The following RAD51B variants were observed in gnomAD, a reference collection of about 807,000 sequenced individuals.
RAD51B encodes RAD51 paralog B, also known as DNA repair protein RAD51 homolog 2.
A neutral mutation model predicts 42.2 loss-of-function variants in RAD51B; 38 were observed. The observed-to-expected ratio is 0.90, with a 90% CI of 0.70 to 1.18. RAD51B has a LOEUF of 1.18. Among genes scored for constraint, RAD51B ranks in the 50% most tolerant of loss-of-function variants. The probability of loss-of-function intolerance (pLI) is 0.00; values close to 1 mark genes in which losing one functional copy is unlikely to be tolerated. For synonymous variants in RAD51B, 154 were observed against 145.2 expected (o/e 1.06, Z -0.43); for missense variants, 373 against 400.7 (o/e 0.93, Z 0.59).
At chr14:68,151,823 CTTTTTTTTTTTTTTTTTT>C (rs71129868) in intron 7 of RAD51B, among the ~76,000 whole-genome samples, 19 of 39,992 alleles carry the variant, frequency 4.8e-4, no homozygotes, top group African/African-American at 1.6e-3. Context: ...GTTATAAAGA[CTTTTTTTTTTTTTTTTTT>C]TTTTTTTTTT....
At chr14:68,116,817 C>T (rs2077557063) in intron 7 of RAD51B, among the ~76,000 whole-genome samples, 1 of 152,066 alleles carries the variant, frequency 6.6e-6, no homozygotes, top group Non-Finnish European at 1.5e-5. Flanking sequence ...AAGCTACAGG[C>T]AAGAAAAGTT....
At chr14:68,357,631 C>T (rs1312804811) in intron 8 of RAD51B, among the ~76,000 whole-genome samples, 1 of 152,140 alleles carries the variant, frequency 6.6e-6, no homozygotes, top group East Asian at 1.9e-4. Context: ...ACTCCTTGAT[C>T]CATGGGCCGC....
chr14:68,280,354 G>T (rs559439842), intron 7 of RAD51B, among the ~76,000 whole-genome samples: 1 of 152,258 alleles, frequency 6.6e-6, no homozygotes, highest in South Asian at 2.1e-4. Context: ...ACAAATATCC[G>T]TGGGACCATG....
At chr14:68,560,066 C>T (rs1889064553) in intron 10 of RAD51B, among the ~76,000 whole-genome samples, 1 of 152,184 alleles carries the variant, frequency 6.6e-6, no homozygotes, top group Non-Finnish European at 1.5e-5. Flanking sequence ...TCTCTGCCTC[C>T]TCCTTGCCCC....
intron 10 of RAD51B, among the ~76,000 whole-genome samples, chr14:68,530,672 G>A (rs10134240): frequency 1.3e-4 from 19 of 151,808 alleles, no homozygotes; most frequent in African/African-American, 2.9e-4. Flanking sequence ...TTCAAGAGCC[G>A]ATTTAAAAGA....
intron 8 of RAD51B, among the ~76,000 whole-genome samples, chr14:68,410,946 G>GC (rs1056304911): frequency 2.0e-5 from 3 of 151,832 alleles, no homozygotes; most frequent in Non-Finnish European, 2.9e-5. Context: ...GTATACGGGG[G>GC]GGTGGGAGGA....
At chr14:67,833,157 C>T (rs2041112984) in intron 3 of RAD51B, among the ~76,000 whole-genome samples, 1 of 152,156 alleles carries the variant, frequency 6.6e-6, no homozygotes, top group South Asian at 2.1e-4. Context: ...GGTCAGGTCA[C>T]TTGAGGGCAG....
rs528089781 is a variant in RAD51B, at chr14:68,345,632, A to G, written c.853+53652A>G. Among the ~76,000 whole-genome samples the G allele has an allele frequency of 2.1e-4, 32 of 152,060 alleles. No homozygotes were observed. In the South Asian group the frequency reaches 6.0e-3, roughly 29 times the overall value. ...GTAGAGCCTGCAGAGCTGTGAGCCA[A>G]TTAAGCTCAGCGTCAGGTGTTTCTT... On this transcript the variant is annotated intron_variant, in intron 8 of 10. Coordinates refer to ENST00000471583, the MANE Select transcript of RAD51B (RefSeq NM_133510.4).
chr14:68,104,726 G>C (rs746312754), intron 7 of RAD51B, among the ~76,000 whole-genome samples: 1 of 152,078 alleles, frequency 6.6e-6, no homozygotes, highest in Non-Finnish European at 1.5e-5. Context: ...CTTGTAAGTG[G>C]ATTACAAGAA....
chr14:68,536,397 A>G (rs1244436979), intron 10 of RAD51B, among the ~76,000 whole-genome samples: 2 of 152,224 alleles, frequency 1.3e-5, no homozygotes, highest in African/African-American at 4.8e-5. Context: ...AACTTGAGAA[A>G]GCAGATTGAA....
intron 7 of RAD51B, among the ~76,000 whole-genome samples, chr14:67,920,311 C>T (rs549877568): frequency 2.0e-5 from 3 of 151,718 alleles, no homozygotes; most frequent in Admixed American, 1.3e-4. Context: ...TCAACTCTAA[C>T]GTTATTTTGT....
intron 7 of RAD51B, among the ~76,000 whole-genome samples, chr14:67,926,419 C>T (rs7157720): frequency 0.06 from 9,101 of 152,160 alleles, 637 homozygotes; most frequent in African/African-American, 0.17. Flanking sequence ...TTAACAAGTT[C>T]GTCATCTTTA....
intron 9 of RAD51B, among the ~76,000 whole-genome samples, chr14:68,449,437 T>G (rs1370827253): frequency 6.6e-6 from 1 of 152,224 alleles, no homozygotes; most frequent in East Asian, 1.9e-4. Flanking sequence ...TAACTGTTTT[T>G]AAATGTCTTT....
At chr14:68,615,724 A>G (rs1452239811), downstream of RAD51B, among the ~76,000 whole-genome samples, 1 of 152,018 alleles carries the variant, frequency 6.6e-6, no homozygotes, top group Non-Finnish European at 1.5e-5. Context: ...TTCTTTTTTT[A>G]TTATTAATAT....
At chr14:67,868,535 G>T (rs1180820507) in intron 5 of RAD51B, among the ~76,000 whole-genome samples, 2 of 152,252 alleles carry the variant, frequency 1.3e-5, no homozygotes, top group African/African-American at 4.8e-5. Flanking sequence ...GCCCAGGCTT[G>T]CTTAGGTAAA....
chr14:68,289,740 C>T (rs1443741286), intron 7 of RAD51B, among the ~76,000 whole-genome samples: 1 of 151,644 alleles, frequency 6.6e-6, no homozygotes, highest in Non-Finnish European at 1.5e-5. Context: ...GCAATGAACA[C>T]AGTTCCTTAT....
At chr14:67,947,677 G>A (rs1475821487) in intron 7 of RAD51B, among the ~76,000 whole-genome samples, 1 of 152,110 alleles carries the variant, frequency 6.6e-6, no homozygotes, top group Non-Finnish European at 1.5e-5. Flanking sequence ...AAATGACTTG[G>A]GAGATGACTT....
At chr14:68,435,654 C>A (rs2085129998) in intron 9 of RAD51B, among the ~76,000 whole-genome samples, 1 of 152,092 alleles carries the variant, frequency 6.6e-6, no homozygotes, top group Admixed American at 6.5e-5. Context: ...AGTGTATGAG[C>A]ATTTTCTTCT....
At chr14:67,968,686 ATC>A (rs1359136955) in intron 7 of RAD51B, among the ~76,000 whole-genome samples, 1 of 152,144 alleles carries the variant, frequency 6.6e-6, no homozygotes, top group Non-Finnish European at 1.5e-5. Context: ...CCATATCACT[ATC>A]AGCATTTTTG....
Sources: allele counts gnomAD v4.1 joint callset (sites outside exome capture counted in the v4.1 genomes callset), GRCh38; gene constraint gnomAD v4.1.1; transcripts MANE v1.5; gene names NCBI Gene and HGNC (gene_info 2026-07-23, HGNC 2026-07-21).